CASR: variants seen among roughly 807,000 people sequenced by gnomAD.
CASR encodes calcium sensing receptor, also known as extracellular calcium-sensing receptor.
CASR carries 23 observed loss-of-function variants against 69.1 expected under a neutral mutation model. That is an observed-to-expected ratio of 0.33 (90% CI 0.24 to 0.47). The LOEUF (loss-of-function observed/expected upper bound fraction) is 0.47, where lower values mean the gene tolerates loss of function less well. Among genes scored for constraint, CASR ranks in the 20% least tolerant of loss-of-function variants. The pLI, the probability that CASR is intolerant of heterozygous loss-of-function variation, is 1.00. For missense variants in CASR, 924 were observed against 1,356.1 expected, an observed-to-expected ratio of 0.68 and a Z score of 5.00; for synonymous variants, 541 against 544.7, an observed-to-expected ratio of 0.99 and a Z score of 0.10.
intron 4 of CASR, among the ~76,000 whole-genome samples, chr3:122,265,282 AT>A (rs1212435578): frequency 5.3e-5 from 8 of 151,976 alleles, no homozygotes; most frequent in Non-Finnish European, 7.4e-5. Flanking sequence ...GTCAATCACA[AT>A]TTTTTTCCTT....
At chr3:122,185,888 CCCTTGAGTAGAGAAGACT>C (rs2073775018) in intron 1 of CASR, among the ~76,000 whole-genome samples, 1 of 152,142 alleles carries the variant, frequency 6.6e-6, no homozygotes. Context: ...CAGGCCAAGA[CCCTTGAGTAGAGAAGACT>C]CCTCAAGCAC....
intron 4 of CASR, among the ~76,000 whole-genome samples, chr3:122,262,767 AT>A (rs1369272265): frequency 6.6e-6 from 1 of 152,172 alleles, no homozygotes; most frequent in East Asian, 1.9e-4. Flanking sequence ...AGTAAGAAGT[AT>A]TTTTTGAGTA....
At chr3:122,193,858 T>G (rs2073862355) in intron 1 of CASR, among the ~76,000 whole-genome samples, 1 of 152,168 alleles carries the variant, frequency 6.6e-6, no homozygotes, top group Non-Finnish European at 1.5e-5. Context: ...CTTTTTTTTA[T>G]CCTTCTGACA....
At chr3:122,222,115 A>G (rs1040281141) in intron 1 of CASR, among the ~76,000 whole-genome samples, 1 of 152,220 alleles carries the variant, frequency 6.6e-6, no homozygotes, top group African/African-American at 2.4e-5. Flanking sequence ...CTAAAAGACA[A>G]TAGCATTATT....
In CASR at chr3:122,283,797, G is replaced by A. The variant is rs768660050; in HGVS notation, c.1843G>A (p.Ala615Thr). 18 of 1,613,916 alleles carry A rather than the reference G, an allele frequency of 1.1e-5. No homozygotes were observed. Among genetic ancestry groups the A allele is most frequent in the South Asian group, 6.6e-5 (6 of 91,078 alleles). The change falls in exon 7 of 7, where the codon GCA becomes ACA. Residue 615 changes from alanine to threonine, a missense_variant. Transcript: ENST00000639785. ...FLSWTEPFGI[A>T]LTLFAVLGIF... ...GTCGTGGACGGAGCCCTTTGGGATC[G>A]CACTCACCCTCTTTGCCGTGCTGGG...
intron 1 of CASR, among the ~76,000 whole-genome samples, chr3:122,205,549 G>T (rs1265666688): frequency 2.0e-5 from 3 of 151,810 alleles, no homozygotes; most frequent in Non-Finnish European, 4.4e-5. Context: ...GGCTATTCAG[G>T]GTCTTTTGTA....
At chr3:122,269,757 CT>C (rs1357649027) in intron 4 of CASR, among the ~76,000 whole-genome samples, 2 of 152,120 alleles carry the variant, frequency 1.3e-5, no homozygotes, top group Non-Finnish European at 2.9e-5. Context: ...TTCTGTAAGA[CT>C]TTTGTAGAAT....
At chr3:122,189,978 T>A (rs140965828) in intron 1 of CASR, among the ~76,000 whole-genome samples, 4 of 152,328 alleles carry the variant, frequency 2.6e-5, no homozygotes, top group African/African-American at 9.6e-5. Context: ...AGATGTTGAG[T>A]TGGCACTGTG....
chr3:122,274,311 C>T (rs1008420839), intron 4 of CASR, among the ~76,000 whole-genome samples: 3 of 152,246 alleles, frequency 2.0e-5, no homozygotes, highest in African/African-American at 7.2e-5. Context: ...TGCCCCCAAG[C>T]ATGTCTTGGA....
intron 4 of CASR, among the ~76,000 whole-genome samples, chr3:122,274,856 T>C (rs369974796): frequency 1.3e-5 from 2 of 152,180 alleles, no homozygotes; most frequent in East Asian, 3.8e-4. Flanking sequence ...GGTGTCACAG[T>C]GACACAAGGC....
At chr3:122,269,412 CT>C (rs2074731820) in intron 4 of CASR, among the ~76,000 whole-genome samples, 1 of 152,110 alleles carries the variant, frequency 6.6e-6, no homozygotes, top group Non-Finnish European at 1.5e-5. Context: ...TTGCCGAGAG[CT>C]TTTATCAGGA....
intron 1 of CASR, among the ~76,000 whole-genome samples, chr3:122,211,881 A>C (rs1416144572): frequency 6.6e-6 from 1 of 152,224 alleles, no homozygotes; most frequent in East Asian, 1.9e-4. Flanking sequence ...TGCCAGTCGG[A>C]ATGGTGATTA....
intron 1 of CASR, among the ~76,000 whole-genome samples, chr3:122,224,794 A>G (rs2074206930): frequency 6.6e-6 from 1 of 152,166 alleles, no homozygotes; most frequent in African/African-American, 2.4e-5. Context: ...TTCAAACTAT[A>G]CTAAAGGCTA....
chr3:122,241,712 G>GAC (rs1291319769), intron 1 of CASR, among the ~76,000 whole-genome samples: 3 of 151,924 alleles, frequency 2.0e-5, no homozygotes, highest in African/African-American at 4.8e-5. Flanking sequence ...ACCAGACAAA[G>GAC]ACACACACAC....
chr3:122,186,477 A>T (rs1010066345), intron 1 of CASR, among the ~76,000 whole-genome samples: 2 of 152,196 alleles, frequency 1.3e-5, no homozygotes, highest in African/African-American at 4.8e-5. Context: ...AGGTAAAAAA[A>T]TCATTCATCA....
chr3:122,192,656 G>A (rs895779451), intron 1 of CASR, among the ~76,000 whole-genome samples: 25 of 152,154 alleles, frequency 1.6e-4, no homozygotes, highest in African/African-American at 5.3e-4. Context: ...TAATCTCTTG[G>A]CCAAGAAACT....
intron 4 of CASR, among the ~76,000 whole-genome samples, chr3:122,272,022 A>T (rs1046585809): frequency 6.6e-6 from 1 of 151,746 alleles, no homozygotes; most frequent in African/African-American, 2.4e-5. Context: ...GGTTGTTATG[A>T]GTAATGTTGC....
Position 122,183,679 on chromosome 3 carries a change from A to C in CASR, c.-376A>C, listed in dbSNP as rs1481502270. The C allele has an allele frequency of 2.6e-5, 4 of 152,196 alleles. No homozygotes were observed. The highest frequency in any genetic ancestry group is 4.4e-5 in the Non-Finnish European group (3 of 68,032). The allele number at this position is 152,196 out of a possible 1,614,324, so 9.4% of individuals were successfully genotyped here. ...CTGTGGAGTCGGGTAGAGTAGACCAAGTGCAACAGGCACCTGGCTGCAGCC... is the reference window on the plus strand; with the variant it reads ...CTGTGGAGTCGGGTAGAGTAGACCACGTGCAACAGGCACCTGGCTGCAGCC... On this transcript the variant is annotated 5_prime_UTR_variant, in exon 1 of 7. Transcript: ENST00000639785.
chr3:122,257,411 G>T (rs372422029), intron 3 of CASR, 24 bp downstream of exon 3: 2 of 1,574,908 alleles, frequency 1.3e-6, no homozygotes, highest in African/African-American at 1.3e-5. Context: ...CTCAGGCGGG[G>T]CACTGGGAGC....
Sources: gnomAD v4.1 joint callset for allele counts (sites outside exome capture counted in the v4.1 genomes callset) on GRCh38, gnomAD v4.1.1 for gene constraint, MANE v1.5 for transcripts, NCBI Gene and HGNC (gene_info 2026-07-23, HGNC 2026-07-21) for gene names.